Variants in BRWD3 observed in about 807,000 individuals in gnomAD.
BRWD3 encodes the protein bromodomain and WD repeat domain containing 3.
BRWD3 carries 10 observed loss-of-function variants against 149.7 expected under a neutral mutation model. The observed-to-expected ratio is 0.07, with a 90% CI of 0.04 to 0.11. The LOEUF (loss-of-function observed/expected upper bound fraction) is 0.11, where lower values mean the gene tolerates loss of function less well. BRWD3 is among the 10% of genes least tolerant of loss of function. BRWD3 has a pLI of 1.00. For missense variants in BRWD3, 940 were observed against 1,373.2 expected, an observed-to-expected ratio of 0.68 and a Z score of 4.99; for synonymous variants, 504 against 456.7, an observed-to-expected ratio of 1.10 and a Z score of -1.32.
chrX:80,743,325 G>A (rs1474003201), intron 8 of BRWD3, among the ~76,000 whole-genome samples: 37 of 111,701 alleles, frequency 3.3e-4, no homozygotes, highest in Admixed American at 2.2e-3. Context: ...TTTTTGCATC[G>A]ATGTTCATCA....
intron 40 of BRWD3, among the ~76,000 whole-genome samples, chrX:80,680,197 C>G (rs754057467): frequency 1.9e-4 from 21 of 111,575 alleles, no homozygotes; most frequent in African/African-American, 6.8e-4. Context: ...CTTCAAATAG[C>G]TGAACATGTT....
chrX:80,747,054 G>C (rs2073602988), intron 6 of BRWD3, among the ~76,000 whole-genome samples: 1 of 110,597 alleles, frequency 9.0e-6, no homozygotes, highest in Admixed American at 9.7e-5. Flanking sequence ...TTTTTGGCAG[G>C]TGTTCCCATC....
At chrX:80,763,954 A>C (rs1030125114) in intron 6 of BRWD3, among the ~76,000 whole-genome samples, 9 of 112,264 alleles carry the variant, frequency 8.0e-5, no homozygotes, top group African/African-American at 2.9e-4. Context: ...TCTTCTTCCC[A>C]ATGTTAAGGC....
intron 6 of BRWD3, among the ~76,000 whole-genome samples, chrX:80,767,465 C>G (rs2147820799): frequency 9.0e-6 from 1 of 111,302 alleles, no homozygotes; most frequent in Admixed American, 9.5e-5. Flanking sequence ...AGCTGAGGAC[C>G]TAACTGTTAG....
At chrX:80,788,752 C>T (rs920280197) in intron 6 of BRWD3, among the ~76,000 whole-genome samples, 2 of 111,751 alleles carry the variant, frequency 1.8e-5, no homozygotes, top group African/African-American at 3.3e-5. Flanking sequence ...GAATGGAATG[C>T]TACTTGGTAA....
chrX:80,754,004 ACT>A (rs2073705894), intron 6 of BRWD3, among the ~76,000 whole-genome samples: 1 of 110,636 alleles, frequency 9.0e-6, no homozygotes, highest in African/African-American at 3.3e-5. Flanking sequence ...GGCTATCTGC[ACT>A]CTTTTTGGTT....
intron 6 of BRWD3, among the ~76,000 whole-genome samples, chrX:80,789,137 T>C (rs2074147911): frequency 8.9e-6 from 1 of 112,083 alleles, no homozygotes; most frequent in African/African-American, 3.2e-5. Flanking sequence ...TAGGTATAAA[T>C]CTGTCATACC....
chrX:80,706,227 G>A (rs1367153460), intron 22 of BRWD3, among the ~76,000 whole-genome samples: 1 of 110,050 alleles, frequency 9.1e-6, no homozygotes, highest in Admixed American at 9.8e-5. Context: ...TCCTGTCTCA[G>A]CCTCCCAAGT....
At chrX:80,765,402 C>G (rs535705288) in intron 6 of BRWD3, among the ~76,000 whole-genome samples, 2 of 111,686 alleles carry the variant, frequency 1.8e-5, no homozygotes, top group Admixed American at 1.9e-4. Context: ...TGATTAAGGT[C>G]AATACAAGGC....
intron 7 of BRWD3, 55 bp from the exon 8 acceptor site, chrX:80,744,308 C>T: frequency 3.2e-6 from 3 of 929,076 alleles, no homozygotes; most frequent in East Asian, 6.2e-5. Flanking sequence ...CACAATACCC[C>T]CACCCAAAAA....
rs778419234 is a variant in BRWD3, at chrX:80,681,409, C to G, written c.4586G>C (p.Arg1529Pro). 1.7e-6 allele frequency: 2 copies of G among 1,210,067 alleles called. No homozygotes were observed. The highest frequency in any genetic ancestry group is 2.2e-6 in the Non-Finnish European group (2 of 894,448). ...FSSSSFGGYS[R>P]SGNSHDPGKA... is the part of the protein sequence containing the mutation. The stretch of plus-strand genomic sequence containing the variant: ...CCCTGGGTCATGGCTATTTCCACTT[C>G]GGCTATATCCACCGAAGCTCGATGA... The change falls in exon 40 of 41, where the codon CGA (arginine) becomes CCA (proline). Residue 1529 changes from arginine to proline, a missense_variant. Transcript: ENST00000373275.
At chrX:80,695,051 T>A (rs2072665061) in intron 27 of BRWD3, among the ~76,000 whole-genome samples, 1 of 110,751 alleles carries the variant, frequency 9.0e-6, no homozygotes, top group Admixed American at 9.7e-5. Flanking sequence ...GCTGATTGGA[T>A]TATGGGGGCA....
At chrX:80,697,260 C>T (rs1032568964) in intron 25 of BRWD3, among the ~76,000 whole-genome samples, 3 of 111,536 alleles carry the variant, frequency 2.7e-5, no homozygotes, top group Non-Finnish European at 5.7e-5. Context: ...TATATATGTA[C>T]GTGTACATGT....
intron 4 of BRWD3, among the ~76,000 whole-genome samples, chrX:80,801,516 G>A (rs999869342): frequency 2.8e-5 from 3 of 108,702 alleles, no homozygotes; most frequent in Admixed American, 2.0e-4. Context: ...GCGCCCGGAC[G>A]AGAAAACATT....
intron 7 of BRWD3, 103 bp downstream of exon 7, chrX:80,745,466 C>T (rs2073579484): frequency 1.1e-5 from 9 of 800,057 alleles, no homozygotes; most frequent in Non-Finnish European, 1.6e-5. Context: ...CCCATATATC[C>T]AAAAAAAGTG....
intron 6 of BRWD3, among the ~76,000 whole-genome samples, chrX:80,749,851 G>C (rs764872325): frequency 9.0e-5 from 10 of 111,730 alleles, no homozygotes; most frequent in African/African-American, 3.2e-4. Context: ...GTATGATAAA[G>C]CTTATTTAAT....
Position 80,676,770 on chromosome X carries a change from T to G in BRWD3, c.5248A>C (p.Arg1750=). ...AAAACAGTCCTCCTGCCTTGGTTTC[T>G]TGTTTTAATTCGAGGCAGTCTACTG... ...RFSRLPRIKT[R]NQGRRTVLYN... The change falls in exon 41 of 41, where the codon AGA becomes CGA. Residue 1750 remains arginine (R), a synonymous_variant. Coordinates refer to ENST00000373275, the MANE Select transcript of BRWD3 (RefSeq NM_153252.5). 8.3e-7 allele frequency: 1 copy of G among 1,211,064 alleles called. No homozygotes were observed. Among genetic ancestry groups the G allele is most frequent in the Non-Finnish European group, 1.1e-6 (1 of 895,136 alleles).
intron 40 of BRWD3, among the ~76,000 whole-genome samples, chrX:80,678,835 C>T (rs1244407380): frequency 9.0e-6 from 1 of 111,319 alleles, no homozygotes; most frequent in Non-Finnish European, 1.9e-5. Flanking sequence ...CTTCAAAATT[C>T]ATATGTGGAA....
chrX:80,794,771 T>C (rs2074219877), intron 4 of BRWD3, among the ~76,000 whole-genome samples: 1 of 110,618 alleles, frequency 9.0e-6, no homozygotes, highest in African/African-American at 3.3e-5. Context: ...GAAATAAGTG[T>C]TACAAAGCAA....
Sources: gnomAD v4.1 joint callset for allele counts (sites outside exome capture counted in the v4.1 genomes callset) on GRCh38, gnomAD v4.1.1 for gene constraint, MANE v1.5 for transcripts, NCBI Gene and HGNC (gene_info 2026-07-23, HGNC 2026-07-21) for gene names.